The following SEC31B variants were observed in gnomAD, a reference collection of about 807,000 sequenced individuals.
SEC31B encodes the protein SEC31 homolog B, COPII component.
A neutral mutation model predicts 135.0 loss-of-function variants in SEC31B; 113 were observed. The observed-to-expected ratio is 0.84, with a 90% confidence interval of 0.72 to 0.98. SEC31B has a LOEUF of 0.98. Among genes scored for constraint, SEC31B ranks in the 50% least tolerant of loss-of-function variants. The pLI, the probability that SEC31B is intolerant of heterozygous loss-of-function variation, is 0.00. For synonymous variants in SEC31B, 508 were observed against 549.4 expected (o/e 0.92, Z 1.05); for missense variants, 1,296 against 1,421.1 (o/e 0.91, Z 1.42).
At chr10:100,515,677 T>A (rs910029084) in intron 3 of SEC31B, among the ~76,000 whole-genome samples, 1 of 152,200 alleles carries the variant, frequency 6.6e-6, no homozygotes, top group Non-Finnish European at 1.5e-5. Flanking sequence ...GCAAGAGCCA[T>A]GAAATCCATG....
At chr10:100,497,624 T>C in intron 16 of SEC31B, 43 bp downstream of exon 16, 1 of 1,613,980 alleles carries the variant, frequency 6.2e-7, no homozygotes, top group South Asian at 1.1e-5. Flanking sequence ...GACTCCATGC[T>C]GGAGTCACAC....
chr10:100,506,420 C>A lies in SEC31B; in HGVS notation c.783G>T (p.Arg261Ser). Residue 261 changes from arginine to serine, a missense_variant and splice_region_variant, in exon 8 of 26, where the codon AGG (arginine) becomes AGT (serine). By Grantham distance (110) the Arg-to-Ser change is moderately radical (BLOSUM62 -1). Transcript: ENST00000370345. ...GGCTCCATGACACTGACAAGATCCC[C>A]CTAAAAAGAGAAGGGAAGAGGAACT... is the stretch of plus-strand genomic sequence containing the variant. ...SPLKVLESHS[R>S]GILSVSWSQA... 1 of 1,614,046 alleles carries A rather than the reference C, an allele frequency of 6.2e-7. No individual in the cohort carries two copies. The highest frequency in any genetic ancestry group is 2.2e-5 in the East Asian group (1 of 44,874).
Position 100,488,873 on chromosome 10 carries a change from C to T in SEC31B, c.3273G>A (p.Leu1091=). The change falls in exon 24 of 26, where the codon CTG becomes CTA. Residue 1091 remains leucine, a synonymous_variant. Coordinates refer to ENST00000370345, the MANE Select transcript of SEC31B (RefSeq NM_015490.4). ...TCAGACTTACTAAGTCAGTTGCAGACAGGGAGCAGCGTTGGAGAAGCGCCT... is the reference window on the plus strand; with the variant it reads ...TCAGACTTACTAAGTCAGTTGCAGATAGGGAGCAGCGTTGGAGAAGCGCCT... ...SFEALLQRCS[L]SATDLKTKRK... The T allele has an allele frequency of 1.3e-6, 2 of 1,598,070 alleles. No homozygotes were observed. Among genetic ancestry groups the T allele is most frequent in the Non-Finnish European group, 1.7e-6 (2 of 1,172,968 alleles).
intron 19 of SEC31B, chr10:100,495,012 G>A: frequency 3.4e-6 from 1 of 292,166 alleles, no homozygotes; most frequent in Non-Finnish European, 6.6e-6. Flanking sequence ...ATTTTCAGTA[G>A]AGATGGGGTT....
rs1851607860 is a variant in SEC31B at position 100,505,327 on chromosome 10, A to AC, written c.1179+33_1179+34insG. On this transcript the variant is annotated intron_variant, in intron 10 of 25. Coordinates refer to ENST00000370345, the MANE Select transcript of SEC31B (RefSeq NM_015490.4). ...ACACACACACACACACACACACACA[A>AC]ACACACACACACCTATACATCCACT... 2.1e-5 allele frequency: 33 copies of AC among 1,545,534 alleles called. No homozygotes were observed. In the Middle Eastern group the frequency reaches 5.2e-4, roughly 24 times the overall value.
intron 19 of SEC31B, among the ~76,000 whole-genome samples, chr10:100,494,133 C>T (rs562716860): frequency 2.6e-5 from 4 of 152,122 alleles, no homozygotes; most frequent in East Asian, 1.9e-4. Flanking sequence ...TTCTGTTCTC[C>T]GGCAGCTCTA....
intron 2 of SEC31B, 77 bp from the exon 3 acceptor site, chr10:100,516,296 A>G: frequency 6.6e-7 from 1 of 1,517,250 alleles, no homozygotes; most frequent in East Asian, 2.3e-5. Flanking sequence ...AGGAGTGAAG[A>G]AGAGAAGGAA....
At chr10:100,492,015 A>G (rs12268460) in intron 19 of SEC31B, among the ~76,000 whole-genome samples, 19,653 of 152,212 alleles carry the variant, frequency 0.13, 2,797 homozygotes, top group African/African-American at 0.36. Context: ...AACCATAAGA[A>G]ATAAATTTCT....
intron 11 of SEC31B, chr10:100,500,211 G>C: frequency 2.2e-6 from 1 of 456,564 alleles, no homozygotes; most frequent in South Asian, 1.5e-5. Flanking sequence ...GGCTCCCACA[G>C]AAGACACCTG....
intron 14 of SEC31B, 66 bp downstream of exon 14, chr10:100,498,639 G>A (rs1851458617): frequency 8.3e-7 from 1 of 1,208,472 alleles, no homozygotes; most frequent in Non-Finnish European, 1.2e-6. Context: ...AATGTCTCAA[G>A]TCCAAAACCT....
At chr10:100,505,524 T>C (rs1260974110) in intron 9 of SEC31B, 29 bp from the exon 10 acceptor site, 4 of 1,506,208 alleles carry the variant, frequency 2.7e-6, no homozygotes, top group East Asian at 2.5e-5. Flanking sequence ...TGCATCGCCA[T>C]CCTAAAGTGG....
chr10:100,490,423 A>C, intron 20 of SEC31B, 101 bp from the exon 21 acceptor site: 1 of 1,196,164 alleles, frequency 8.4e-7, no homozygotes, highest in Non-Finnish European at 1.1e-6. Context: ...AAAATAATAA[A>C]TGATTAATAC....
chr10:100,495,400 G>C lies in SEC31B; in HGVS notation c.2457C>G (p.Ser819=), dbSNP rs1471741433. Residue 819 remains serine (S), a synonymous_variant, in exon 19 of 26, where the codon TCC becomes TCG. Coordinates refer to ENST00000370345, the MANE Select transcript of SEC31B (RefSeq NM_015490.4). The part of the protein sequence containing the change: ...SKETSSYRLG[S]QPSHQVPTPS... Reference sequence around the variant, plus strand: ...GAGGTCTTACCTGGTGAGAAGGCTGGGATCCCAATCTGTAAGATGATGTCT... The same window carrying C: ...GAGGTCTTACCTGGTGAGAAGGCTGCGATCCCAATCTGTAAGATGATGTCT... The C allele has an allele frequency of 6.2e-7, 1 of 1,613,708 alleles. No homozygotes were observed. The highest frequency in any genetic ancestry group is 2.2e-5 in the East Asian group (1 of 44,870).
intron 11 of SEC31B, 86 bp downstream of exon 11, chr10:100,502,168 G>A (rs1851535959): frequency 2.0e-6 from 2 of 1,004,350 alleles, no homozygotes; most frequent in Admixed American, 3.8e-5. Context: ...GTCCCAGTGT[G>A]CTTGTGCTTC....
At chr10:100,498,605 G>T in intron 14 of SEC31B, 100 bp downstream of exon 14, 1 of 801,948 alleles carries the variant, frequency 1.2e-6, no homozygotes, top group Non-Finnish European at 2.1e-6. Flanking sequence ...TGGGAGGAAG[G>T]CACGAGGCAG....
chr10:100,497,398 C>A lies in SEC31B; in HGVS notation c.1991-118G>T, dbSNP rs187254102. 6.3e-4 allele frequency: 958 copies of A among 1,523,936 alleles called. 7 individuals carry two copies. The African/African-American group carries it at 0.011, about 18-fold the overall frequency. The allele number at this position is 1,523,936 out of a possible 1,614,324, so 94.4% of individuals were successfully genotyped here. On this transcript the variant is annotated intron_variant, in intron 16 of 25. Coordinates refer to ENST00000370345, the MANE Select transcript of SEC31B (RefSeq NM_015490.4). Reference sequence around the variant, plus strand: ...GACAAGTAGCTGCAGTTTAAGACAACACTGAGACTCACCTTGCTGTACAGA... The same window carrying A: ...GACAAGTAGCTGCAGTTTAAGACAAAACTGAGACTCACCTTGCTGTACAGA...
chr10:100,510,821 G>A (rs1370559468), intron 3 of SEC31B, among the ~76,000 whole-genome samples: 1 of 152,226 alleles, frequency 6.6e-6, no homozygotes, highest in Admixed American at 6.5e-5. Flanking sequence ...GCTACTGCCA[G>A]AAAGGCTGTT....
At chr10:100,514,979 T>TG (rs1851801239) in intron 3 of SEC31B, among the ~76,000 whole-genome samples, 1 of 85,960 alleles carries the variant, frequency 1.2e-5, no homozygotes, top group South Asian at 3.6e-4. Flanking sequence ...AGACTCCATC[T>TG]CAAAAAAAAA....
At chr10:100,505,558 A>G (rs1239790634) in intron 9 of SEC31B, 63 bp from the exon 10 acceptor site, 1 of 1,501,480 alleles carries the variant, frequency 6.7e-7, no homozygotes, top group Non-Finnish European at 8.8e-7. Context: ...AACTCCACCT[A>G]CAAACTCCAT....
Sources: gnomAD v4.1 joint callset for allele counts (sites outside exome capture counted in the v4.1 genomes callset) on GRCh38, gnomAD v4.1.1 for gene constraint, MANE v1.5 for transcripts, NCBI Gene and HGNC (gene_info 2026-07-23, HGNC 2026-07-21) for gene names.